LCP2: variants seen among roughly 807,000 people sequenced by gnomAD.
LCP2 encodes lymphocyte cytosolic protein 2.
LCP2 carries 29 observed loss-of-function variants against 74.5 expected under a neutral mutation model. The observed-to-expected ratio is 0.39, with a 90% CI of 0.29 to 0.53. The LOEUF (loss-of-function observed/expected upper bound fraction) is 0.53, where lower values mean the gene tolerates loss of function less well. Among genes scored for constraint, LCP2 ranks in the 20% least tolerant of loss-of-function variants. The probability of loss-of-function intolerance (pLI) is 0.72; values close to 1 mark genes in which losing one functional copy is unlikely to be tolerated. For missense variants in LCP2, 604 were observed against 634.6 expected (o/e 0.95, Z 0.52); for synonymous variants, 228 against 229.5 (o/e 0.99, Z 0.06).
chr5:170,270,604 T>C, intron 7 of LCP2, 115 bp downstream of exon 7: 1 of 868,354 alleles, frequency 1.2e-6, no homozygotes, highest in Non-Finnish European at 1.8e-6. Context: ...CGAGCAGATA[T>C]CGAGACCCAG....
chr5:170,275,375 T>C (rs759817263), intron 4 of LCP2, 24 bp from the exon 5 acceptor site: 1 of 1,613,788 alleles, frequency 6.2e-7, no homozygotes, highest in Non-Finnish European at 8.5e-7. Flanking sequence ...TAGCACTGCA[T>C]TAATGGTCTT....
At chr5:170,279,148 T>A (rs1364239637) in intron 3 of LCP2, among the ~76,000 whole-genome samples, 3 of 152,150 alleles carry the variant, frequency 2.0e-5, no homozygotes. Flanking sequence ...TGGGCAGCCA[T>A]AGACAGCAGT....
chr5:170,256,428 A>C lies in LCP2; in HGVS notation c.1150+98T>G, dbSNP rs116400423. The C allele has an allele frequency of 8.5e-4, 819 of 963,238 alleles. 10 individuals carry two copies. The African/African-American group carries it at 0.011, about 13-fold the overall frequency. The allele number at this position is 963,238 out of a possible 1,614,324, so 59.7% of individuals were successfully genotyped here. On this transcript the variant is annotated intron_variant, in intron 17 of 20. Coordinates refer to ENST00000046794, the MANE Select transcript of LCP2 (RefSeq NM_005565.5). The surrounding 1 kb of genome is among the most constrained non-coding windows in gnomAD (Gnocchi z 4.5). ...ATGAGGAAATCAGATGCTTTTAGGA[A>C]ACAATAAAACCTTTGTCGAAAGCTT...
At position 170,293,435 on chromosome 5, in the gene LCP2, C is replaced by T. The variant is rs548723148; in HGVS notation, c.79-63G>A. On this transcript the variant is annotated intron_variant, in intron 1 of 20. Transcript: ENST00000046794. ...AGTCTCTTACCATTGGTTCCTCTCC[C>T]TTGCCTGCCCCAGAAACTTAGCACT... 3.4e-6 allele frequency: 5 copies of T among 1,476,812 alleles called. No homozygotes were observed. In the South Asian group the frequency reaches 6.1e-5, roughly 18 times the overall value. The allele number at this position is 1,476,812 out of a possible 1,614,324, so 91.5% of individuals were successfully genotyped here.
At chr5:170,275,444 G>T in intron 4 of LCP2, 93 bp from the exon 5 acceptor site, 1 of 1,390,450 alleles carries the variant, frequency 7.2e-7, no homozygotes, top group South Asian at 1.2e-5. Context: ...GGAGTCCCCA[G>T]TGGAGGGCAT....
chr5:170,293,433 C>T, intron 1 of LCP2, 61 bp from the exon 2 acceptor site: 5 of 1,475,214 alleles, frequency 3.4e-6, no homozygotes, highest in Non-Finnish European at 3.7e-6. Context: ...TGGTTCCTCT[C>T]CCTTGCCTGC....
intron 19 of LCP2, 107 bp downstream of exon 19, chr5:170,252,327 C>G (rs1761462801): frequency 3.3e-6 from 2 of 606,160 alleles, no homozygotes; most frequent in Non-Finnish European, 5.8e-6. Context: ...CAGAAAGCAA[C>G]AGCACCTAGC....
At chr5:170,290,944 AAAGAAAGAAAAGAAAGAAAG>A (rs1295380966) in intron 2 of LCP2, among the ~76,000 whole-genome samples, 4 of 95,356 alleles carry the variant, frequency 4.2e-5, no homozygotes, top group African/African-American at 1.9e-4. Context: ...AAGAAGAAAG[AAAGAAAGAAAAGAAAGAAAG>A]AAAGAAAGAA....
At chr5:170,254,298 G>A (rs993328271) in intron 17 of LCP2, among the ~76,000 whole-genome samples, 1 of 152,166 alleles carries the variant, frequency 6.6e-6, no homozygotes, top group African/African-American at 2.4e-5. Context: ...AGCACCTGGG[G>A]CTCAGAAATC....
intron 2 of LCP2, among the ~76,000 whole-genome samples, chr5:170,290,548 T>C (rs1762271068): frequency 6.6e-6 from 1 of 152,132 alleles, no homozygotes; most frequent in Admixed American, 6.5e-5. Flanking sequence ...CCATACACCT[T>C]CTCCTCTTTG....
At position 170,270,758 on chromosome 5, in the gene LCP2, G is replaced by T. The variant is rs761554500; in HGVS notation, c.484C>A (p.Pro162Thr). Residue 162 changes from proline to threonine, a missense_variant, in exon 7 of 21, where the codon CCT (proline) becomes ACT (threonine). Pro to Thr is a conservative substitution (Grantham distance 38, BLOSUM62 -1). Transcript: ENST00000046794. ...TTGGAGTTGGGGAAAGGCTTGGCAG[G>T]CAGGATGGAGTTCTGCAGAGCTTCC... ...DEEALQNSIL[P>T]AKPFPNSNSM... The T allele has an allele frequency of 6.3e-7, 1 of 1,593,846 alleles. No homozygotes were observed. The highest frequency in any genetic ancestry group is 1.1e-5 in the South Asian group (1 of 87,424).
In LCP2 at chr5:170,275,292, A is replaced by G. The variant is rs374794885; in HGVS notation, c.286+28T>C. ...TGAAATACCTATCACCTCCTAAAGC[A>G]ATCACCTCTGAGCCCTGAGAGCTTT... is the stretch of plus-strand genomic sequence containing the variant. On this transcript the variant is annotated intron_variant, in intron 5 of 20. Transcript: ENST00000046794. 2.0e-4 allele frequency: 317 copies of G among 1,613,718 alleles called. 3 individuals carry two copies. The African/African-American group carries it at 3.6e-3, about 18-fold the overall frequency.
chr5:170,261,271 A>T, intron 13 of LCP2, 134 bp from the exon 14 acceptor site: 3 of 676,114 alleles, frequency 4.4e-6, no homozygotes, highest in Non-Finnish European at 8.0e-6. Context: ...GAAGCAACAG[A>T]CCCCCACAGA....
chr5:170,277,045 CA>C (rs1485755493), intron 3 of LCP2, among the ~76,000 whole-genome samples: 1 of 146,704 alleles, frequency 6.8e-6, no homozygotes, highest in Non-Finnish European at 1.5e-5. Flanking sequence ...CACTGCACTC[CA>C]GCCTGGTGAC....
intron 19 of LCP2, chr5:170,252,223 T>G (rs1351629083): frequency 7.8e-6 from 3 of 383,196 alleles, no homozygotes; most frequent in Admixed American, 8.0e-5. Flanking sequence ...TGCCTTGAGA[T>G]TCTTCTGCCA....
At chr5:170,263,045 A>C in intron 10 of LCP2, 53 bp from the exon 11 acceptor site, 1 of 1,596,198 alleles carries the variant, frequency 6.3e-7, no homozygotes, top group Non-Finnish European at 8.6e-7. Flanking sequence ...CATAAGCATG[A>C]GGTTTAAAAA....
intron 3 of LCP2, among the ~76,000 whole-genome samples, chr5:170,279,974 G>A (rs543754414): frequency 1.9e-4 from 28 of 151,180 alleles, no homozygotes; most frequent in South Asian, 4.2e-4. Flanking sequence ...GAGAGAGAGA[G>A]GGGGGAAGGG....
chr5:170,297,529 C>T lies in LCP2; in HGVS notation c.78+5G>A. The T allele has an allele frequency of 6.2e-7, 1 of 1,612,072 alleles. No homozygotes were observed. The highest frequency in any genetic ancestry group is 8.5e-7 in the Non-Finnish European group (1 of 1,178,932). On this transcript the variant is annotated splice_donor_5th_base_variant and intron_variant, in intron 1 of 20. Transcript: ENST00000046794. Reference sequence around the variant, plus strand: ...CATGACCATTCACACAAGAGCAAGGCTTACCTTCTTGAAATAGTCAGCAAG... The same window carrying T: ...CATGACCATTCACACAAGAGCAAGGTTTACCTTCTTGAAATAGTCAGCAAG...
chr5:170,285,796 G>A (rs1209283233), intron 3 of LCP2, among the ~76,000 whole-genome samples: 1 of 152,144 alleles, frequency 6.6e-6, no homozygotes, highest in African/African-American at 2.4e-5. Context: ...CTTTGCTAAA[G>A]AGGGGCCCCT....
Sources: gnomAD v4.1 joint callset for allele counts (sites outside exome capture counted in the v4.1 genomes callset) on GRCh38, gnomAD v4.1.1 for gene constraint, Gnocchi (gnomAD v3.1) non-coding constraint, MANE v1.5 for transcripts, NCBI Gene and HGNC (gene_info 2026-07-23, HGNC 2026-07-21) for gene names.